Variants in RO60 observed in about 807,000 individuals in gnomAD.
The protein encoded by RO60 is RNA-binding protein RO60.
In RO60, 20 loss-of-function variants were observed where a neutral mutation model predicts 55.3. That is an observed-to-expected ratio of 0.36 (90% CI 0.25 to 0.53). The LOEUF is 0.53. Among genes scored for constraint, RO60 ranks in the 20% least tolerant of loss-of-function variants. RO60 has a pLI of 0.92. For missense variants in RO60, 558 were observed against 646.6 expected (o/e 0.86, Z 1.49); for synonymous variants, 213 against 213.6 (o/e 1.00, Z 0.02).
intron 1 of RO60, among the ~76,000 whole-genome samples, chr1:193,060,835 A>G (rs1442155686): frequency 1.3e-5 from 2 of 152,194 alleles, no homozygotes; most frequent in African/African-American, 2.4e-5. Flanking sequence ...GAGATACTTT[A>G]TTGGAAAAGT....
chr1:193,066,835 T>C (rs1248095376), intron 1 of RO60, among the ~76,000 whole-genome samples: 1 of 152,230 alleles, frequency 6.6e-6, no homozygotes, highest in Non-Finnish European at 1.5e-5. Context: ...CAGTTTCTTT[T>C]CTAGAATATA....
At chr1:193,067,637 A>G (rs1010848060) in intron 1 of RO60, among the ~76,000 whole-genome samples, 5 of 152,184 alleles carry the variant, frequency 3.3e-5, no homozygotes, top group African/African-American at 1.2e-4. Context: ...ATAACATGAC[A>G]GATTGAAGGA....
intron 1 of RO60, among the ~76,000 whole-genome samples, chr1:193,066,265 G>T (rs9427838): frequency 0.73 from 110,305 of 152,040 alleles, 40,283 homozygotes; most frequent in Middle Eastern, 0.77. Context: ...ATCTTTCAAT[G>T]TTAGCATCTT....
Position 193,069,366 on chromosome 1 carries a change from C to T in RO60, c.312C>T (p.Asp104=), listed in dbSNP as rs1673327730. The change falls in exon 2 of 9, where the codon GAC becomes GAT. Residue 104 remains aspartate (D), a synonymous_variant. Transcript: ENST00000400968. ...FALAICSQCS[D]ISTKQAAFKA... is the part of the protein sequence containing the mutation. ...TTGCCATTTGTTCCCAGTGCTCCGA[C>T]ATAAGCACAAAACAAGCAGCATTTA... The T allele has an allele frequency of 6.2e-7, 1 of 1,614,198 alleles. No individual in the cohort carries two copies. Among genetic ancestry groups the T allele is most frequent in the South Asian group, 1.1e-5 (1 of 91,080 alleles).
chr1:193,060,120 C>G, intron 1 of RO60: 1 of 1,204,280 alleles, frequency 8.3e-7, no homozygotes, highest in South Asian at 1.5e-5. Flanking sequence ...CCCGCGGCTT[C>G]TGCGCGGAGA....
At position 193,075,826 on chromosome 1, in the gene RO60, C is replaced by T. The variant is rs1558245104; in HGVS notation, c.587C>T (p.Ala196Val). ...SHLKPSSEGL[A>V]IVTKYITKGW... ...ATTCTTTATCTTGTTAAAGGACTTGCAATTGTGACCAAATATATTACAAAG... is the reference window on the plus strand; with the variant it reads ...ATTCTTTATCTTGTTAAAGGACTTGTAATTGTGACCAAATATATTACAAAG... Residue 196 changes from alanine (A) to valine (V), a missense_variant, in exon 3 of 9, where the codon GCA (alanine) becomes GTA (valine). Ala to Val is a moderately conservative substitution (Grantham distance 64). Transcript: ENST00000400968. The T allele has an allele frequency of 6.2e-7, 1 of 1,600,256 alleles. No homozygotes were observed. Among genetic ancestry groups the T allele is most frequent in the East Asian group, 2.2e-5 (1 of 44,574 alleles).
Position 193,059,859 on chromosome 1 carries a change from T to G in RO60, c.-22+83T>G. The G allele has an allele frequency of 7.3e-7, 1 of 1,363,858 alleles. No individual in the cohort carries two copies. The highest frequency in any genetic ancestry group is 9.8e-7 in the Non-Finnish European group (1 of 1,020,724). The allele number at this position is 1,363,858 out of a possible 1,614,324, so 84.5% of individuals were successfully genotyped here. On this transcript the variant is annotated intron_variant, in intron 1 of 8. Transcript: ENST00000400968. The surrounding 1 kb of genome is among the most constrained non-coding windows in gnomAD (Gnocchi z 4.9). ...AATTCTGACCAGTCCTCCATGTCTC[T>G]CACCCGCATCCCAGGGGTTGAGGCT...
chr1:193,091,687 C>T, downstream of RO60: 3 of 1,611,522 alleles, frequency 1.9e-6, no homozygotes, highest in Non-Finnish European at 2.5e-6. Flanking sequence ...TCATTTTAGA[C>T]ATGGAGTGCA....
At position 193,085,083 on chromosome 1, in the gene RO60, G is replaced by A. The variant is rs2103080211; in HGVS notation, c.*352G>A. 6.7e-7 allele frequency: 1 copy of A among 1,483,640 alleles called. No individual in the cohort carries two copies. Among genetic ancestry groups the A allele is most frequent in the South Asian group, 1.3e-5 (1 of 74,650 alleles). 91.9% of individuals were successfully genotyped at this position (1,483,640 alleles called of 1,614,324 possible). A position where few individuals can be genotyped will look rare whatever the true frequency, so the allele number is the denominator to read the frequency against. On this transcript the variant is annotated 3_prime_UTR_variant, in exon 9 of 9. Coordinates refer to ENST00000400968, the MANE Select transcript of RO60 (RefSeq NM_001173524.2). Reference sequence around the variant, plus strand: ...AATTCCACATCATGTTACTTGAGAAGTGCTTAACGTTTTCTTAAATGTTTT... The same window carrying A: ...AATTCCACATCATGTTACTTGAGAAATGCTTAACGTTTTCTTAAATGTTTT...
chr1:193,066,592 C>T (rs1212205450), intron 1 of RO60, among the ~76,000 whole-genome samples: 1 of 152,202 alleles, frequency 6.6e-6, no homozygotes, highest in African/African-American at 2.4e-5. Flanking sequence ...TATTCTCTGT[C>T]GGTTTTCTTC....
At position 193,068,634 on chromosome 1, in the gene RO60, A is replaced by G. The variant is rs373498411; in HGVS notation, c.-21-400A>G. Among the ~76,000 whole-genome samples, 57 of 152,326 alleles carry G rather than the reference A, an allele frequency of 3.7e-4. 1 individual carries two copies. The South Asian group carries it at 0.012, about 32-fold the overall frequency. On this transcript the variant is annotated intron_variant, in intron 1 of 8. Coordinates refer to ENST00000400968, the MANE Select transcript of RO60 (RefSeq NM_001173524.2). ...AGATGCCATACTGATCTACCTGCTT[A>G]ATCTCTGAAGGAGCACACTGTATCT...
intron 2 of RO60, 44 bp from the exon 3 acceptor site, chr1:193,075,776 C>T (rs764791031): frequency 2.1e-6 from 3 of 1,419,238 alleles, no homozygotes; most frequent in Admixed American, 2.2e-5. Context: ...TGTTTTTTTA[C>T]TTGGTAATCC....
Position 193,059,743 on chromosome 1 carries a change from G to C in RO60, c.-55G>C, listed in dbSNP as rs928671146. Reference sequence around the variant, plus strand: ...GCTGCGCAGGACTTCTCCTGGCGGCGCTGCGGATCCAGGGGGTCGGCTGCC... The same window carrying C: ...GCTGCGCAGGACTTCTCCTGGCGGCCCTGCGGATCCAGGGGGTCGGCTGCC... On this transcript the variant is annotated 5_prime_UTR_variant, in exon 1 of 9. Transcript: ENST00000400968. The surrounding 1 kb of genome is among the most constrained non-coding windows in gnomAD (Gnocchi z 4.9). 3.7e-6 allele frequency: 5 copies of C among 1,354,700 alleles called. No individual in the cohort carries two copies. In the East Asian group the frequency reaches 1.4e-4, roughly 38 times the overall value. 83.9% of individuals were successfully genotyped at this position (1,354,700 alleles called of 1,614,324 possible). A position where few individuals can be genotyped will look rare whatever the true frequency, so the allele number is the denominator to read the frequency against.
rs758871089 is a variant in RO60 at position 193,076,919 on chromosome 1, A to G, written c.955A>G (p.Ile319Val). 6 of 1,611,516 alleles carry G rather than the reference A, an allele frequency of 3.7e-6. No individual in the cohort carries two copies. The South Asian group carries it at 5.5e-5, about 15-fold the overall frequency. ...CCTTATACTTTGTTTCTAGGCTCGTATACATCCATTTCATATTTTGATCGC... is the reference window on the plus strand; with the variant it reads ...CCTTATACTTTGTTTCTAGGCTCGTGTACATCCATTTCATATTTTGATCGC... ...CNEKLLKKAR[I>V]HPFHILIALE... Residue 319 changes from isoleucine to valine, a missense_variant, in exon 5 of 9, where the codon ATA (isoleucine) becomes GTA (valine). Physicochemically the swap from Ile to Val is conservative, Grantham distance 29. Coordinates refer to ENST00000400968, the MANE Select transcript of RO60 (RefSeq NM_001173524.2).
chr1:193,075,530 C>G (rs1181989321), intron 2 of RO60, among the ~76,000 whole-genome samples: 1 of 151,962 alleles, frequency 6.6e-6, no homozygotes, highest in East Asian at 1.9e-4. Context: ...CTGAAACTTT[C>G]TAATGCTGGT....
chr1:193,074,718 G>A (rs1673781853), intron 2 of RO60, among the ~76,000 whole-genome samples: 1 of 152,152 alleles, frequency 6.6e-6, no homozygotes, highest in African/African-American at 2.4e-5. Flanking sequence ...CTTTTGCTGT[G>A]CAGAAGCTCT....
rs575642296 is a variant in RO60, at chr1:193,061,259, G to C, written c.-22+1483G>C. 5.9e-5 allele frequency among the ~76,000 whole-genome samples: 9 copies of C among 152,264 alleles called. No homozygotes were observed. The East Asian group carries it at 1.7e-3, about 29-fold the overall frequency. ...AGTTCCTTCCTCATCAGTTTTTATAGCATCACATTGATCAGTGGATTCAGA... is the reference window on the plus strand; with the variant it reads ...AGTTCCTTCCTCATCAGTTTTTATACCATCACATTGATCAGTGGATTCAGA... On this transcript the variant is annotated intron_variant, in intron 1 of 8. Coordinates refer to ENST00000400968, the MANE Select transcript of RO60 (RefSeq NM_001173524.2).
chr1:193,060,311 A>G (rs1435022647), intron 1 of RO60: 2 of 314,594 alleles, frequency 6.4e-6, no homozygotes, highest in Non-Finnish European at 1.2e-5. Flanking sequence ...GTATTAATCT[A>G]AAAACATTTG....
chr1:193,063,057 C>T (rs908199503), intron 1 of RO60, among the ~76,000 whole-genome samples: 1 of 152,172 alleles, frequency 6.6e-6, no homozygotes, highest in African/African-American at 2.4e-5. Flanking sequence ...GGTAGAATTC[C>T]TCGGTCATAT....
Sources: allele counts gnomAD v4.1 joint callset (sites outside exome capture counted in the v4.1 genomes callset), GRCh38; gene constraint gnomAD v4.1.1; non-coding constraint Gnocchi (gnomAD v3.1); transcripts MANE v1.5; gene names NCBI Gene and HGNC (gene_info 2026-07-23, HGNC 2026-07-21).